The following POLR3G variants were observed in gnomAD, a reference collection of about 807,000 sequenced individuals.
POLR3G encodes the protein DNA-directed RNA polymerase III subunit RPC7.
POLR3G carries 28 observed loss-of-function variants against 30.1 expected under a neutral mutation model. The observed-to-expected ratio is 0.93, with a 90% CI of 0.69 to 1.27. The LOEUF is 1.27. POLR3G is among the 50% of genes most tolerant of loss of function. The probability of loss-of-function intolerance (pLI) is 0.00; values close to 1 mark genes in which losing one functional copy is unlikely to be tolerated. For missense variants in POLR3G, 254 were observed against 264.6 expected (o/e 0.96, Z 0.28); for synonymous variants, 79 against 82.5 (o/e 0.96, Z 0.23).
At chr5:90,488,513 A>T (rs1751564168) in intron 3 of POLR3G, among the ~76,000 whole-genome samples, 1 of 151,884 alleles carries the variant, frequency 6.6e-6, no homozygotes, top group African/African-American at 2.4e-5. Context: ...TCCTTTTTTC[A>T]CTCAGTAGCA....
intron 2 of POLR3G, among the ~76,000 whole-genome samples, chr5:90,486,913 T>TAGTTGCAG (rs1751464681): frequency 6.6e-6 from 1 of 152,210 alleles, no homozygotes; most frequent in African/African-American, 2.4e-5. Flanking sequence ...ACTCAATAAG[T>TAGTTGCAG]AGTTGCAGCA....
chr5:90,510,491 G>T (rs1345580692), intron 7 of POLR3G, among the ~76,000 whole-genome samples: 1 of 152,116 alleles, frequency 6.6e-6, no homozygotes, highest in African/African-American at 2.4e-5. Context: ...TGCTTGATTT[G>T]GAATACTAGA....
At chr5:90,475,066 G>C (rs1416593915) in intron 1 of POLR3G, 46 bp downstream of exon 1, 3 of 152,292 alleles carry the variant, frequency 2.0e-5, no homozygotes, top group Non-Finnish European at 2.9e-5. Flanking sequence ...GGTGAGGGTA[G>C]AGGGGAATTA....
chr5:90,490,923 G>C (rs1445532050), intron 3 of POLR3G: 1 of 158,598 alleles, frequency 6.3e-6, no homozygotes, highest in East Asian at 1.9e-4. Context: ...ATCATATTCC[G>C]GATAGAGATG....
At chr5:90,474,626 T>C (rs1385682928), upstream of POLR3G, 1 of 334,028 alleles carries the variant, frequency 3.0e-6, no homozygotes, top group East Asian at 9.3e-5. Context: ...GAATGGAGAC[T>C]CAGGTGGCGA....
intron 1 of POLR3G, among the ~76,000 whole-genome samples, chr5:90,478,586 T>TTTTTTTTTTTTTTTTCA (rs70999487): frequency 6.8e-6 from 1 of 146,924 alleles, no homozygotes. Flanking sequence ...TTTTTTTTTT[T>TTTTTTTTTTTTTTTTCA]GAGAGGGAGC....
chr5:90,495,610 AG>A (rs1389052206), intron 3 of POLR3G, 66 bp from the exon 4 acceptor site: 6 of 1,558,036 alleles, frequency 3.9e-6, no homozygotes, highest in Non-Finnish European at 4.3e-6. Context: ...ATAATCTTAA[AG>A]GAATGGCTTA....
intron 3 of POLR3G, among the ~76,000 whole-genome samples, chr5:90,491,141 T>C (rs1470986645): frequency 9.2e-5 from 14 of 152,240 alleles, no homozygotes. Flanking sequence ...GGAATGAACA[T>C]ATTTCATGTT....
At chr5:90,510,317 T>G (rs564187832) in intron 7 of POLR3G, among the ~76,000 whole-genome samples, 15 of 151,950 alleles carry the variant, frequency 9.9e-5, no homozygotes, top group South Asian at 2.1e-4. Flanking sequence ...GGCAGAGCTT[T>G]CAGTGAGCCG....
intron 1 of POLR3G, among the ~76,000 whole-genome samples, chr5:90,482,512 C>T (rs1244344479): frequency 2.6e-5 from 4 of 152,248 alleles, no homozygotes; most frequent in Non-Finnish European, 5.9e-5. Flanking sequence ...CAAACCTCCT[C>T]CTTGCCTGGG....
chr5:90,482,675 G>A (rs1751201432), intron 1 of POLR3G, among the ~76,000 whole-genome samples: 1 of 152,098 alleles, frequency 6.6e-6, no homozygotes, highest in African/African-American at 2.4e-5. Flanking sequence ...GCACTTGATG[G>A]ATCAGGGGGC....
Position 90,501,978 on chromosome 5 carries a change from A to G in POLR3G, c.428A>G (p.Lys143Arg), listed in dbSNP as rs1472019911. ...TPLTNTEDVL[K>R]KMEELEKRGD... ...CTCACTAATACTGAAGATGTGTTGAAAAAAATGGAGGTAAGGTTTTCTTCT... is the reference window on the plus strand; with the variant it reads ...CTCACTAATACTGAAGATGTGTTGAGAAAAATGGAGGTAAGGTTTTCTTCT... The change falls in exon 6 of 8, where the codon AAA (lysine) becomes AGA (arginine). Residue 143 changes from lysine to arginine, a missense_variant. Lys to Arg is a conservative substitution (Grantham distance 26). Transcript: ENST00000651687. 4.3e-6 allele frequency: 7 copies of G among 1,612,786 alleles called. No homozygotes were observed. The highest frequency in any genetic ancestry group is 5.9e-6 in the Non-Finnish European group (7 of 1,179,290).
In POLR3G at chr5:90,484,566, A is replaced by G. The variant is rs535655729; in HGVS notation, c.-43-959A>G. 3.3e-5 allele frequency among the ~76,000 whole-genome samples: 5 copies of G among 152,314 alleles called. No individual in the cohort carries two copies. The South Asian group carries it at 8.3e-4, about 25-fold the overall frequency. On this transcript the variant is annotated intron_variant, in intron 1 of 7. Transcript: ENST00000651687. The stretch of plus-strand genomic sequence containing the variant: ...GAAGGGTAACATTAATGACCAGGCA[A>G]GAAACCCTGGTGAAGAGTAGAGCAG...
At chr5:90,511,711 G>C in intron 7 of POLR3G, among the ~76,000 whole-genome samples, 1 of 151,788 alleles carries the variant, frequency 6.6e-6, no homozygotes, top group South Asian at 2.1e-4. Context: ...TAGTCTAATG[G>C]ATGTTAATGT....
At chr5:90,511,769 T>A (rs904871530) in intron 7 of POLR3G, among the ~76,000 whole-genome samples, 4 of 152,320 alleles carry the variant, frequency 2.6e-5, no homozygotes, top group African/African-American at 9.6e-5. Context: ...AAGTGTTTAG[T>A]GGTTTAGCTA....
At chr5:90,480,762 T>G (rs1751083453) in intron 1 of POLR3G, among the ~76,000 whole-genome samples, 1 of 152,158 alleles carries the variant, frequency 6.6e-6, no homozygotes, top group African/African-American at 2.4e-5. Flanking sequence ...CTTTAAGTAG[T>G]GGCAAATCCT....
chr5:90,500,405 C>T (rs1472915476), intron 5 of POLR3G, among the ~76,000 whole-genome samples: 2 of 151,862 alleles, frequency 1.3e-5, no homozygotes, highest in Non-Finnish European at 2.9e-5. Context: ...CTCTAGTATC[C>T]CTTCAACAAA....
chr5:90,509,635 C>T lies in POLR3G; in HGVS notation c.586-2418C>T, dbSNP rs142996388. 3.2e-3 allele frequency among the ~76,000 whole-genome samples: 491 copies of T among 152,168 alleles called. 2 individuals are homozygous for T. The highest frequency in any genetic ancestry group is 0.011 in the African/African-American group (470 of 41,510). On this transcript the variant is annotated intron_variant, in intron 7 of 7. Coordinates refer to ENST00000651687, the MANE Select transcript of POLR3G (RefSeq NM_006467.3). The stretch of plus-strand genomic sequence containing the variant: ...AGGTGATCTGAAGAGCTAATCAGAT[C>T]AAGATAGGAACATGGAATGGAGTGG...
chr5:90,499,273 G>A (rs1339799948), intron 5 of POLR3G, among the ~76,000 whole-genome samples: 2 of 152,106 alleles, frequency 1.3e-5, no homozygotes, highest in Non-Finnish European at 2.9e-5. Flanking sequence ...TGGGCTGGTA[G>A]AGGAGATTGA....
Sources: allele counts gnomAD v4.1 joint callset (sites outside exome capture counted in the v4.1 genomes callset), GRCh38; gene constraint gnomAD v4.1.1; transcripts MANE v1.5; gene names NCBI Gene and HGNC (gene_info 2026-07-23, HGNC 2026-07-21).